Variants in INTS13 observed in about 807,000 individuals in gnomAD.
The protein encoded by INTS13 is integrator complex subunit 13.
A neutral mutation model predicts 90.2 loss-of-function variants in INTS13; 35 were observed. That is an observed-to-expected ratio of 0.39 (90% confidence interval 0.30 to 0.51). INTS13 has a LOEUF of 0.51. Among genes scored for constraint, INTS13 ranks in the 20% least tolerant of loss-of-function variants. The pLI is 0.80. For missense variants in INTS13, 601 were observed against 851.2 expected (o/e 0.71, Z 3.66); for synonymous variants, 309 against 277.1 (o/e 1.11, Z -1.14).
At chr12:26,907,908 A>G (rs1334479500) in intron 15 of INTS13, among the ~76,000 whole-genome samples, 1 of 152,182 alleles carries the variant, frequency 6.6e-6, no homozygotes, top group African/African-American at 2.4e-5. Flanking sequence ...TGAAAAACAA[A>G]AACAAAACAA....
Position 26,936,500 on chromosome 12 carries a change from T to C in INTS13, c.225+79A>G, listed in dbSNP as rs907323510. ...GTAATAAACACACAGTCATTATCTA[T>C]AGCAAATTCATATAAAAATTCATTT... On this transcript the variant is annotated intron_variant, in intron 2 of 16. Transcript: ENST00000261191. The C allele has an allele frequency of 3.9e-5, 41 of 1,045,262 alleles. No homozygotes were observed. In the East Asian group the frequency reaches 9.7e-4, roughly 25 times the overall value. 64.7% of individuals were successfully genotyped at this position (1,045,262 alleles called of 1,614,324 possible).
At chr12:26,913,852 C>T in intron 13 of INTS13, 122 bp downstream of exon 13, 1 of 1,148,796 alleles carries the variant, frequency 8.7e-7, no homozygotes, top group Non-Finnish European at 1.2e-6. Context: ...TGTATTATTT[C>T]ATCTCAAATA....
chr12:26,911,005 T>C (rs939609242), intron 15 of INTS13, among the ~76,000 whole-genome samples, 173 bp downstream of exon 15: 2 of 152,032 alleles, frequency 1.3e-5, no homozygotes, highest in Non-Finnish European at 2.9e-5. Flanking sequence ...CCGCCTAATT[T>C]TGTATTTTTA....
At position 26,905,366 on chromosome 12, in the gene INTS13, C is replaced by T; in HGVS notation, c.*131G>A. 1.3e-6 allele frequency: 1 copy of T among 755,818 alleles called. No individual in the cohort carries two copies. The highest frequency in any genetic ancestry group is 2.1e-6 in the Non-Finnish European group (1 of 477,296). 46.8% of individuals were successfully genotyped at this position (755,818 alleles called of 1,614,324 possible). On this transcript the variant is annotated 3_prime_UTR_variant, in exon 17 of 17. Coordinates refer to ENST00000261191, the MANE Select transcript of INTS13 (RefSeq NM_018164.3). ...TTTATAATTAGTACAAAAATGACAG[C>T]TGAAATATTTTAAAAATGTAAAAAC...
intron 10 of INTS13, 65 bp downstream of exon 10, chr12:26,917,282 ATAATT>A (rs1195129211): frequency 4.5e-6 from 2 of 443,574 alleles, no homozygotes; most frequent in African/African-American, 2.1e-5. Flanking sequence ...CACTCAAATA[ATAATT>A]TAATAATAAA....
chr12:26,911,565 A>G (rs75721614), intron 14 of INTS13, among the ~76,000 whole-genome samples: 3,305 of 152,282 alleles, frequency 0.022, 117 homozygotes, highest in African/African-American at 0.075. Flanking sequence ...TATAAAAAAA[A>G]AGAAGATACT....
At chr12:26,913,297 T>A (rs1951841299) in intron 14 of INTS13, among the ~76,000 whole-genome samples, 160 bp downstream of exon 14, 1 of 152,190 alleles carries the variant, frequency 6.6e-6, no homozygotes, top group Non-Finnish European at 1.5e-5. Context: ...CCAAGAAAGA[T>A]CCTCTAGATT....
rs1349343492 is a variant in INTS13, at chr12:26,914,009, A to G, written c.1539T>C (p.Ile513=). 1 of 1,610,608 alleles carries G rather than the reference A, an allele frequency of 6.2e-7. No homozygotes were observed. Among genetic ancestry groups the G allele is most frequent in the Admixed American group, 1.7e-5 (1 of 59,344 alleles). The stretch of plus-strand genomic sequence containing the variant: ...CCTTTCCTCTTGTACCAACTGTGGA[A>G]ATAGGTAGAGGATCATTTTTTCTTT... ...DMERKNDPLP[I]STVGTRGKGP... Residue 513 remains isoleucine (I), a synonymous_variant, in exon 13 of 17, where the codon ATT becomes ATC. Transcript: ENST00000261191.
chr12:26,933,581 C>T (rs773643623), intron 3 of INTS13, among the ~76,000 whole-genome samples: 5 of 151,898 alleles, frequency 3.3e-5, no homozygotes, highest in Admixed American at 6.6e-5. Context: ...ACAGGCAACC[C>T]GGAGGTTATG....
Position 26,928,855 on chromosome 12 carries a change from T to C in INTS13, c.351A>G (p.Pro117=). Residue 117 remains proline, a synonymous_variant, in exon 4 of 17, where the codon CCA becomes CCG. Transcript: ENST00000261191. ...AVGPPNPRAD[P]ECCSILHGLV... is the part of the protein sequence containing the mutation. ...GGCCATGCAGAATACTGCAGCACTC[T>C]GGATCTGCCCGAGGATTAGGAGGCC... 6.2e-7 allele frequency: 1 copy of C among 1,614,240 alleles called. No homozygotes were observed. The highest frequency in any genetic ancestry group is 8.5e-7 in the Non-Finnish European group (1 of 1,180,050).
rs755497111 is a variant in INTS13, at chr12:26,928,771, A to T, written c.435T>A (p.Thr145=). The T allele has an allele frequency of 6.2e-7, 1 of 1,614,176 alleles. No homozygotes were observed. Among genetic ancestry groups the T allele is most frequent in the East Asian group, 2.2e-5 (1 of 44,882 alleles). Residue 145 remains threonine, a synonymous_variant, in exon 4 of 17, where the codon ACT becomes ACA. Transcript: ENST00000261191. ...KITEYQHEAR[T]LLMENAERVG... is the part of the protein sequence containing the mutation. ...CACGTTCTGCATTCTCCATGAGTAG[A>T]GTACGAGCCTCATGTTGGTATTCAG... is the stretch of plus-strand genomic sequence containing the variant.
intron 8 of INTS13, among the ~76,000 whole-genome samples, chr12:26,920,953 G>A (rs1055776899): frequency 1.3e-5 from 2 of 152,112 alleles, no homozygotes; most frequent in African/African-American, 4.8e-5. Flanking sequence ...AAAGTCAACC[G>A]TTTCTCTGGC....
At chr12:26,906,270 C>G in intron 16 of INTS13, 32 bp downstream of exon 16, 1 of 1,579,516 alleles carries the variant, frequency 6.3e-7, no homozygotes, top group African/African-American at 1.4e-5. Flanking sequence ...AGGCAATTGA[C>G]AAAACCAATT....
At chr12:26,932,746 T>G (rs1212766684) in intron 3 of INTS13, among the ~76,000 whole-genome samples, 2 of 151,078 alleles carry the variant, frequency 1.3e-5, no homozygotes, top group African/African-American at 4.8e-5. Flanking sequence ...GACAACCAAG[T>G]TGTCATACAG....
At chr12:26,913,943 T>C (rs1190821487) in intron 13 of INTS13, 31 bp downstream of exon 13, 2 of 1,572,750 alleles carry the variant, frequency 1.3e-6, no homozygotes, top group Middle Eastern at 1.8e-4. Flanking sequence ...GTAAATGTGA[T>C]CTATAAAGTA....
intron 14 of INTS13, 63 bp downstream of exon 14, chr12:26,913,394 G>A: frequency 8.3e-7 from 1 of 1,203,620 alleles, no homozygotes. Context: ...GTATGAAAGT[G>A]TTCTATGCAG....
intron 5 of INTS13, among the ~76,000 whole-genome samples, 192 bp from the exon 6 acceptor site, chr12:26,926,043 T>C (rs1278699819): frequency 6.6e-6 from 1 of 152,190 alleles, no homozygotes; most frequent in Non-Finnish European, 1.5e-5. Flanking sequence ...TTAATGAGTA[T>C]ACAAATTTAA....
In INTS13 at chr12:26,937,971, C is replaced by T. The variant is rs934209327; in HGVS notation, c.-187G>A. The stretch of plus-strand genomic sequence containing the variant: ...AGCACACCGGTCCTTCCCAGGCTTC[C>T]TAAGAGCAGGAGCGCGCGTGCGCGT... On this transcript the variant is annotated 5_prime_UTR_variant, in exon 1 of 17. Coordinates refer to ENST00000261191, the MANE Select transcript of INTS13 (RefSeq NM_018164.3). The T allele has an allele frequency of 6.6e-6, 1 of 152,320 alleles. No individual in the cohort carries two copies. The highest frequency in any genetic ancestry group is 2.4e-5 in the African/African-American group (1 of 40,992). The allele number at this position is 152,320 out of a possible 1,614,324, so 9.4% of individuals were successfully genotyped here.
In INTS13 at chr12:26,931,804, G is replaced by A. The variant is rs184217420; in HGVS notation, c.300+2752C>T. On this transcript the variant is annotated intron_variant, in intron 3 of 16. Transcript: ENST00000261191. The stretch of plus-strand genomic sequence containing the variant: ...TTTACTTACTAAAAAACATAAACCC[G>A]GGCTGTGCGTGGTGGCTCACACCTG... 1.5e-3 allele frequency among the ~76,000 whole-genome samples: 219 copies of A among 149,634 alleles called. 2 individuals carry two copies. Among genetic ancestry groups the A allele is most frequent in the South Asian group, 2.9e-3 (14 of 4,792 alleles).
Sources: gnomAD v4.1 joint callset for allele counts (sites outside exome capture counted in the v4.1 genomes callset) on GRCh38, gnomAD v4.1.1 for gene constraint, MANE v1.5 for transcripts, NCBI Gene and HGNC (gene_info 2026-07-23, HGNC 2026-07-21) for gene names.